Variants in PCNA observed in about 807,000 individuals in gnomAD.
PCNA encodes proliferating cell nuclear antigen.
In PCNA, 4 loss-of-function variants were observed where a neutral mutation model predicts 27.8. That is an observed-to-expected ratio of 0.14 (90% CI 0.07 to 0.33). The LOEUF is 0.33. PCNA is among the 10% of genes least tolerant of loss of function. PCNA has a pLI of 1.00. For missense variants in PCNA, 165 were observed against 327.4 expected (o/e 0.50, Z 3.83); for synonymous variants, 121 against 119.4 (o/e 1.01, Z -0.09).
chr20:5,116,429 T>A (rs1030305095), intron 4 of PCNA, among the ~76,000 whole-genome samples: 5 of 151,628 alleles, frequency 3.3e-5, no homozygotes, highest in Non-Finnish European at 5.9e-5. Flanking sequence ...TTTATTAATT[T>A]AAAAAAAAAC....
chr20:5,120,166 C>T, upstream of PCNA: 1 of 256,382 alleles, frequency 3.9e-6, no homozygotes, highest in Non-Finnish European at 7.9e-6. Context: ...ACTCCTGAAC[C>T]CGGCCGCAGA....
At chr20:5,118,444 AC>A (rs756549877) in intron 3 of PCNA, among the ~76,000 whole-genome samples, 165 bp downstream of exon 3, 1 of 152,292 alleles carries the variant, frequency 6.6e-6, no homozygotes, top group East Asian at 1.9e-4. Context: ...AGGCAAGAGG[AC>A]TGCTTGAGCC....
At chr20:5,118,958 C>A in intron 1 of PCNA, 92 bp from the exon 2 acceptor site, 2 of 799,282 alleles carry the variant, frequency 2.5e-6, no homozygotes, top group Non-Finnish European at 4.2e-6. Flanking sequence ...CACTCTCACC[C>A]ATCAGGCCGT....
chr20:5,120,754 C>T (rs2122911777), upstream of PCNA, among the ~76,000 whole-genome samples: 1 of 152,244 alleles, frequency 6.6e-6, no homozygotes, highest in Non-Finnish European at 1.5e-5. Context: ...GATATCAACT[C>T]CTTGAAGTAA....
chr20:5,116,738 C>T (rs917618999), intron 4 of PCNA, among the ~76,000 whole-genome samples: 2 of 152,132 alleles, frequency 1.3e-5, no homozygotes, highest in East Asian at 1.9e-4. Flanking sequence ...CTGCAACCTC[C>T]GCCTCCTCGG....
At chr20:5,123,837 G>GA (rs997257895), upstream of PCNA, among the ~76,000 whole-genome samples, 1 of 151,790 alleles carries the variant, frequency 6.6e-6, no homozygotes, top group Non-Finnish European at 1.5e-5. Context: ...CCAAACATAA[G>GA]AAAAAAACCC....
At chr20:5,118,517 C>T in intron 3 of PCNA, 93 bp downstream of exon 3, 1 of 939,712 alleles carries the variant, frequency 1.1e-6, no homozygotes, top group Non-Finnish European at 1.6e-6. Flanking sequence ...GGCAACAGAG[C>T]CAAGACCCTG....
At chr20:5,126,095 G>A (rs2090546157) in intron 1 of PCNA, among the ~76,000 whole-genome samples, 1 of 152,184 alleles carries the variant, frequency 6.6e-6, no homozygotes, top group Admixed American at 6.5e-5. Flanking sequence ...TTAGCCGGGC[G>A]TGGTGGCGCG....
chr20:5,126,313 A>T (rs1367370465), intron 1 of PCNA, among the ~76,000 whole-genome samples: 1 of 152,262 alleles, frequency 6.6e-6, no homozygotes, highest in African/African-American at 2.4e-5. Context: ...AGATAAGCCA[A>T]CTAAAGCGAT....
upstream of PCNA, among the ~76,000 whole-genome samples, chr20:5,123,901 G>T (rs2090531046): frequency 6.6e-6 from 1 of 152,010 alleles, no homozygotes. Context: ...TGCCTCAAAG[G>T]ATTATATTGG....
chr20:5,124,214 G>C (rs1292014792), upstream of PCNA, among the ~76,000 whole-genome samples: 2 of 152,162 alleles, frequency 1.3e-5, no homozygotes, highest in Admixed American at 1.3e-4. Flanking sequence ...TAATTTTTCT[G>C]GTGGAAACTT....
In PCNA at chr20:5,119,724, C is replaced by A; in HGVS notation, c.75G>T (p.Glu25Asp). The A allele has an allele frequency of 6.3e-7, 1 of 1,599,422 alleles. No homozygotes were observed. The highest frequency in any genetic ancestry group is 8.5e-7 in the Non-Finnish European group (1 of 1,173,152). Reference sequence around the variant, plus strand: ...CGCTGGAGCTAATATCCCAGCAGGCCTCGTTGATGAGGTCCTTGAGTGCCT... The same window carrying A: ...CGCTGGAGCTAATATCCCAGCAGGCATCGTTGATGAGGTCCTTGAGTGCCT... Reference protein sequence around the residue: ...VLEALKDLINEACWDISSSGV... With the variant: ...VLEALKDLINDACWDISSSGV... Residue 25 changes from glutamate (E) to aspartate (D), a missense_variant, in exon 1 of 6, where the codon GAG becomes GAT. Glu to Asp is a conservative substitution (Grantham distance 45). Transcript: ENST00000379143.
At chr20:5,120,787 C>A (rs2090513640), upstream of PCNA, among the ~76,000 whole-genome samples, 1 of 152,018 alleles carries the variant, frequency 6.6e-6, no homozygotes, top group Non-Finnish European at 1.5e-5. Flanking sequence ...AAAGAGCGTA[C>A]ACATTTAATA....
Position 5,117,680 on chromosome 20 carries a change from A to T in PCNA, c.388-16T>A, listed in dbSNP as rs763776362. 18 of 1,509,326 alleles carry T rather than the reference A, an allele frequency of 1.2e-5. No homozygotes were observed. Among genetic ancestry groups the T allele is most frequent in the Non-Finnish European group, 1.6e-5 (18 of 1,123,826 alleles). The allele number at this position is 1,509,326 out of a possible 1,614,324, so 93.5% of individuals were successfully genotyped here. The stretch of plus-strand genomic sequence containing the variant: ...ACTCCTGTTCCTATTAAGAACAAAA[A>T]TTTTCCAAAAGTTAATTGTTAGAAA... On this transcript the variant is annotated splice_polypyrimidine_tract_variant and intron_variant, in intron 3 of 5. Coordinates refer to ENST00000379143, the MANE Select transcript of PCNA (RefSeq NM_182649.2).
In PCNA at chr20:5,117,514, T is replaced by C; in HGVS notation, c.538A>G (p.Ile180Val). Reference protein sequence around the residue: ...SASGELGNGNIKLSQTSNVDK... With the variant: ...SASGELGNGNVKLSQTSNVDK... The stretch of plus-strand genomic sequence containing the variant: ...ACATTACTTGTCTGTGACAATTTAA[T>C]GTTTCCATTTCCAAGTTCTCCACTT... Residue 180 changes from isoleucine (I) to valine (V), a missense_variant, in exon 4 of 6, where the codon ATT becomes GTT. Coordinates refer to ENST00000379143, the MANE Select transcript of PCNA (RefSeq NM_182649.2). 6.2e-7 allele frequency: 1 copy of C among 1,614,054 alleles called. No homozygotes were observed. The highest frequency in any genetic ancestry group is 8.5e-7 in the Non-Finnish European group (1 of 1,179,946).
chr20:5,119,346 CCCG>C lies in PCNA; in HGVS notation c.221+229_221+231del, dbSNP rs143162214. Among the ~76,000 whole-genome samples, 281 of 152,342 alleles carry C rather than the reference CCCG, an allele frequency of 1.8e-3. 1 individual carries two copies. The highest frequency in any genetic ancestry group is 3.6e-3 in the Non-Finnish European group (246 of 68,022). Reference sequence around the variant, plus strand: ...GCACTGCGGAAAAACCCTTGATTTTCCCGCCACCACCCGCTTTGTGACTTTGGC... The same window carrying C: ...GCACTGCGGAAAAACCCTTGATTTTCCCACCACCCGCTTTGTGACTTTGGC... On this transcript the variant is annotated intron_variant, in intron 1 of 5. Transcript: ENST00000379143.
chr20:5,125,838 T>TA (rs1213740793), intron 1 of PCNA, among the ~76,000 whole-genome samples: 1 of 152,184 alleles, frequency 6.6e-6, no homozygotes, highest in Middle Eastern at 3.2e-3. Flanking sequence ...AACAAGTACT[T>TA]ACAATGGATG....
chr20:5,119,071 G>A (rs183918080), intron 1 of PCNA, among the ~76,000 whole-genome samples: 46 of 152,222 alleles, frequency 3.0e-4, no homozygotes, highest in South Asian at 8.3e-4. Context: ...ACCACCAGCA[G>A]TGTCCCTTCT....
At chr20:5,121,727 C>T (rs556462582), upstream of PCNA, among the ~76,000 whole-genome samples, 2 of 151,652 alleles carry the variant, frequency 1.3e-5, no homozygotes, top group African/African-American at 2.4e-5. Context: ...CTTCTAGGCT[C>T]GAGAGATCCT....
Sources: allele counts gnomAD v4.1 joint callset (sites outside exome capture counted in the v4.1 genomes callset), GRCh38; gene constraint gnomAD v4.1.1; transcripts MANE v1.5; gene names NCBI Gene and HGNC (gene_info 2026-07-23, HGNC 2026-07-21).